SMCO2: variants seen among roughly 807,000 people sequenced by gnomAD.
The protein encoded by SMCO2 is single-pass membrane and coiled-coil domain-containing protein 2.
Under a neutral mutation model 29.5 loss-of-function variants are expected in SMCO2, and 25 were observed. The observed-to-expected ratio is 0.85, with a 90% CI of 0.62 to 1.18. The LOEUF (loss-of-function observed/expected upper bound fraction) is 1.18. Ranked by LOEUF, SMCO2 falls within the 50% of genes most tolerant of loss-of-function variation. The pLI is 0.00. For synonymous variants in SMCO2, 117 were observed against 123.3 expected, an observed-to-expected ratio of 0.95 and a Z score of 0.34; for missense variants, 348 against 344.5, an observed-to-expected ratio of 1.01 and a Z score of -0.08.
rs306609 is a variant in SMCO2, at chr12:27,501,548, C to G, written c.684-375C>G. Among the ~76,000 whole-genome samples the G allele has an allele frequency of 5.3e-4, 79 of 149,928 alleles. 4 individuals are homozygous for G. The highest frequency in any genetic ancestry group is 1.9e-3 in the African/African-American group (74 of 39,972). On this transcript the variant is annotated intron_variant, in intron 7 of 7. Transcript: ENST00000298876. ...TCTGAATTCCCTTTATCACGTTATA[C>G]TTTGTGTCCTGGGGAAAATCTAACT...
intron 7 of SMCO2, among the ~76,000 whole-genome samples, chr12:27,500,757 GAACATTGGCTCTTTAATA>G (rs1472478738): frequency 6.6e-6 from 1 of 150,562 alleles, no homozygotes; most frequent in African/African-American, 2.5e-5. Context: ...AGTATCTTAA[GAACATTGGCTCTTTAATA>G]AATGTGTGAA....
Position 27,500,492 on chromosome 12 carries a change from T to G in SMCO2, c.684-1431T>G, listed in dbSNP as rs1251851066. Among the ~76,000 whole-genome samples the G allele has an allele frequency of 4.0e-5, 5 of 125,534 alleles. No homozygotes were observed. The Admixed American group carries it at 4.2e-4, about 11-fold the overall frequency. The allele number at this position is 125,534 out of a possible 152,430, so 82.4% of individuals were successfully genotyped here. On this transcript the variant is annotated intron_variant, in intron 7 of 7. Transcript: ENST00000298876. Reference sequence around the variant, plus strand: ...TTCCTCATTTCTCTGTTTTCCAAATTATCTTTGCTTTAGAAAATTTGTTTT... The same window carrying G: ...TTCCTCATTTCTCTGTTTTCCAAATGATCTTTGCTTTAGAAAATTTGTTTT...
chr12:27,482,594 C>T (rs1392881546), intron 4 of SMCO2, among the ~76,000 whole-genome samples: 1 of 152,238 alleles, frequency 6.6e-6, no homozygotes, highest in Non-Finnish European at 1.5e-5. Context: ...AGCCACCACA[C>T]CCGGCCAACC....
chr12:27,496,413 A>G lies in SMCO2; in HGVS notation c.683+558A>G, dbSNP rs1031045730. On this transcript the variant is annotated intron_variant, in intron 7 of 7. Coordinates refer to ENST00000298876, the Ensembl canonical transcript of SMCO2. ...AGATGTATCTATAAAATCTATCTAT[A>G]TCTATCTAAAATCTTAAAAGATGGT... Among the ~76,000 whole-genome samples the G allele has an allele frequency of 2.0e-5, 3 of 150,690 alleles. 1 individual carries two copies. Among genetic ancestry groups the G allele is most frequent in the African/African-American group, 5.0e-5 (2 of 40,268 alleles).
At chr12:27,461,691 T>TTACAATTACTTTCATACAA in the SMCO2 span, among the ~76,000 whole-genome samples, 1 of 152,230 alleles carries the variant, frequency 6.6e-6, no homozygotes, top group Non-Finnish European at 1.5e-5. Context: ...TGAATTACAA[T>TTACAATTACTTTCATACAA]TACTTTCATA....
At chr12:27,443,994 T>C in the SMCO2 span, among the ~76,000 whole-genome samples, 1 of 152,142 alleles carries the variant, frequency 6.6e-6, no homozygotes, top group Admixed American at 6.6e-5. Flanking sequence ...TATGGAACCA[T>C]GAAATACTTC....
At chr12:27,473,628 T>C (rs1219727364) in intron 3 of SMCO2, among the ~76,000 whole-genome samples, 3 of 152,156 alleles carry the variant, frequency 2.0e-5, no homozygotes, top group Non-Finnish European at 4.4e-5. Context: ...CAAATGGCCA[T>C]GTGAGAATGA....
exon 8 of SMCO2, chr12:27,502,007 A>C: frequency 6.5e-7 from 1 of 1,548,126 alleles, no homozygotes; most frequent in Non-Finnish European, 8.7e-7. Context: ...TTGGTGCTAC[A>C]TTTCTCTTTG....
the SMCO2 span, among the ~76,000 whole-genome samples, chr12:27,460,962 G>T: frequency 6.6e-6 from 1 of 152,156 alleles, no homozygotes; most frequent in African/African-American, 2.4e-5. Flanking sequence ...GTCAGTCCTG[G>T]CACAGAAATC....
chr12:27,464,489 G>A (rs1472698916), upstream of SMCO2, among the ~76,000 whole-genome samples: 1 of 151,944 alleles, frequency 6.6e-6, no homozygotes, highest in African/African-American at 2.4e-5. Context: ...CAGGAGGATT[G>A]CTTGAGCCTA....
At chr12:27,451,407 C>G in the SMCO2 span, among the ~76,000 whole-genome samples, 1 of 151,964 alleles carries the variant, frequency 6.6e-6, no homozygotes, top group Non-Finnish European at 1.5e-5. Context: ...CCCCCAACCT[C>G]CCCCCTGCTG....
At chr12:27,429,374 T>A in the SMCO2 span, among the ~76,000 whole-genome samples, 5 of 151,952 alleles carry the variant, frequency 3.3e-5, no homozygotes, top group Admixed American at 3.3e-4. Context: ...ATGACTTTTT[T>A]AAAGTTAGAA....
intron 7 of SMCO2, 94 bp downstream of exon 8, chr12:27,495,949 T>C (rs1942995975): frequency 3.8e-5 from 46 of 1,214,184 alleles, no homozygotes; most frequent in Non-Finnish European, 4.9e-5. Context: ...TTGACTAAAA[T>C]GTTTTGTTTT....
the SMCO2 span, among the ~76,000 whole-genome samples, chr12:27,432,240 TG>T: frequency 6.6e-6 from 1 of 152,210 alleles, no homozygotes; most frequent in East Asian, 1.9e-4. Flanking sequence ...TTGTTTCCTT[TG>T]ATGTGCAGAA....
At chr12:27,478,140 A>C (rs527592047) in intron 4 of SMCO2, among the ~76,000 whole-genome samples, 1 of 152,328 alleles carries the variant, frequency 6.6e-6, no homozygotes, top group Admixed American at 6.5e-5. Flanking sequence ...GTGGGTGGGC[A>C]TACTAGTGTA....
At chr12:27,476,750 G>A (rs1013456121) in intron 4 of SMCO2, among the ~76,000 whole-genome samples, 5 of 151,652 alleles carry the variant, frequency 3.3e-5, no homozygotes, top group Non-Finnish European at 7.4e-5. Context: ...TCTTTACAGC[G>A]AAGTGAGTTT....
the SMCO2 span, among the ~76,000 whole-genome samples, chr12:27,431,649 T>C: frequency 6.6e-6 from 1 of 152,224 alleles, no homozygotes; most frequent in Admixed American, 6.5e-5. Context: ...CATCCGTCCA[T>C]TGAAGTACAT....
rs112199649 is a variant in SMCO2, at chr12:27,480,027, A to C, written c.362+5114A>C. 9.7e-3 allele frequency among the ~76,000 whole-genome samples: 1,477 copies of C among 152,308 alleles called. 11 individuals carry two copies. Among genetic ancestry groups the C allele is most frequent in the Middle Eastern group, 0.031 (9 of 294 alleles). ...CCTCAAAACCAGGGAAGCCAACAGC[A>C]TAGCCCTCAGTCTGTGGCTGCAGGC... On this transcript the variant is annotated intron_variant, in intron 4 of 7. Transcript: ENST00000298876.
chr12:27,487,535 C>G (rs74769761), intron 4 of SMCO2, among the ~76,000 whole-genome samples: 22 of 152,186 alleles, frequency 1.4e-4, no homozygotes, highest in African/African-American at 5.1e-4. Flanking sequence ...TTTGAATATA[C>G]GCGTACTATG....
Sources: gnomAD v4.1 joint callset for allele counts (sites outside exome capture counted in the v4.1 genomes callset) on GRCh38, gnomAD v4.1.1 for gene constraint, MANE v1.5 for transcripts, NCBI Gene and HGNC (gene_info 2026-07-23, HGNC 2026-07-21) for gene names.